Variants in SGCE observed in about 807,000 individuals in gnomAD.
SGCE encodes epsilon-sarcoglycan.
A neutral mutation model predicts 57.8 loss-of-function variants in SGCE; 26 were observed. The observed-to-expected ratio is 0.45, with a 90% CI of 0.33 to 0.62. SGCE has a LOEUF of 0.62. SGCE is among the 20% of genes least tolerant of loss of function. The pLI, the probability that SGCE is intolerant of heterozygous loss-of-function variation, is 0.02. For missense variants in SGCE, 468 were observed against 548.6 expected (o/e 0.85, Z 1.47); for synonymous variants, 183 against 189.5 (o/e 0.97, Z 0.28).
At chr7:94,588,288 A>G (rs1269002834) in intron 10 of SGCE, 2 of 1,060,344 alleles carry the variant, frequency 1.9e-6, no homozygotes, top group East Asian at 1.5e-4. Context: ...AGCCTCAGTG[A>G]TTAGTCACAA....
chr7:94,641,723 A>C (rs892095484), intron 1 of SGCE, among the ~76,000 whole-genome samples: 3 of 151,972 alleles, frequency 2.0e-5, no homozygotes, highest in Admixed American at 1.3e-4. Context: ...AAAAATCTGA[A>C]CTTAAGCTAA....
At chr7:94,586,086 AAC>A (rs1235837049) in intron 10 of SGCE, among the ~76,000 whole-genome samples, 102 of 149,550 alleles carry the variant, frequency 6.8e-4, no homozygotes, top group Middle Eastern at 3.4e-3. Flanking sequence ...AAAAAAAAAA[AAC>A]AACAACTTCA....
chr7:94,587,966 A>G (rs899136432), intron 10 of SGCE: 38 of 1,423,404 alleles, frequency 2.7e-5, no homozygotes, highest in Non-Finnish European at 3.4e-5. Flanking sequence ...CCCAACTTAC[A>G]TTTTTAAAAC....
At chr7:94,594,056 ACT>A (rs1332806859) in intron 9 of SGCE, among the ~76,000 whole-genome samples, 1 of 151,880 alleles carries the variant, frequency 6.6e-6, no homozygotes, top group Non-Finnish European at 1.5e-5. Context: ...ACAAGGCTAG[ACT>A]CTCTCTTGAC....
chr7:94,616,956 A>G (rs1802021501), intron 5 of SGCE: 1 of 152,208 alleles, frequency 6.6e-6, no homozygotes, highest in African/African-American at 2.4e-5. Context: ...ATCTGAGACA[A>G]GAGTCCAAAT....
intron 5 of SGCE, among the ~76,000 whole-genome samples, chr7:94,612,778 C>T (rs1031511752): frequency 6.6e-6 from 1 of 152,124 alleles, no homozygotes; most frequent in African/African-American, 2.4e-5. Flanking sequence ...TACCCCACCC[C>T]ACCTCCACCT....
intron 9 of SGCE, among the ~76,000 whole-genome samples, chr7:94,591,622 G>GC (rs11422778): frequency 0.34 from 51,467 of 151,978 alleles, 9,569 homozygotes; most frequent in Non-Finnish European, 0.41. Flanking sequence ...GTAGTTGGAT[G>GC]CCCCCCACTT....
intron 5 of SGCE, among the ~76,000 whole-genome samples, chr7:94,614,210 C>T (rs1291177166): frequency 6.6e-6 from 1 of 150,782 alleles, no homozygotes; most frequent in African/African-American, 2.4e-5. Flanking sequence ...TTTATTGGCA[C>T]TAAATTCTAA....
intron 5 of SGCE, among the ~76,000 whole-genome samples, chr7:94,609,534 A>C (rs1198674022): frequency 6.6e-6 from 1 of 152,194 alleles, no homozygotes; most frequent in Non-Finnish European, 1.5e-5. Flanking sequence ...TCTGTCTAAA[A>C]AACAACAACA....
intron 1 of SGCE, among the ~76,000 whole-genome samples, chr7:94,631,924 A>G (rs1584712501): frequency 6.6e-6 from 1 of 152,066 alleles, no homozygotes; most frequent in South Asian, 2.1e-4. Flanking sequence ...ACCTTGAAGT[A>G]CAGCACTAAG....
At chr7:94,614,725 A>C (rs904534576) in intron 5 of SGCE, among the ~76,000 whole-genome samples, 1 of 152,184 alleles carries the variant, frequency 6.6e-6, no homozygotes, top group Non-Finnish European at 1.5e-5. Context: ...CAATTGTGGT[A>C]CTTAAAACAC....
At chr7:94,597,587 AAG>A (rs1166001046) in intron 9 of SGCE, 2 of 152,176 alleles carry the variant, frequency 1.3e-5, no homozygotes, top group African/African-American at 4.8e-5. Context: ...GAGAGTGAGA[AAG>A]AGAGATTTTT....
At chr7:94,632,667 TTTAAA>T (rs1410533583) in intron 1 of SGCE, among the ~76,000 whole-genome samples, 2 of 152,122 alleles carry the variant, frequency 1.3e-5, no homozygotes, top group African/African-American at 4.8e-5. Context: ...GTAGCATCAG[TTTAAA>T]TTACAGGCAC....
At position 94,603,332 on chromosome 7, in the gene SGCE, T is replaced by C. The variant is rs763484333; in HGVS notation, c.783A>G (p.Lys261=). ...EMEPVITCDK[K]FRTQFYIDWC... ...AGTCAATGTAAAATTGAGTACGAAA[T>C]TTTTTATCACATGTTATTACAGGCT... Residue 261 remains lysine (K), a synonymous_variant, in exon 6 of 11, where the codon AAA becomes AAG. Coordinates refer to ENST00000648936, the MANE Select transcript of SGCE (RefSeq NM_003919.3). 1 of 1,612,674 alleles carries C rather than the reference T, an allele frequency of 6.2e-7. No individual in the cohort carries two copies. The highest frequency in any genetic ancestry group is 8.5e-7 in the Non-Finnish European group (1 of 1,179,112).
chr7:94,655,581 C>T (rs892057143), intron 1 of SGCE, among the ~76,000 whole-genome samples: 1 of 152,200 alleles, frequency 6.6e-6, no homozygotes, highest in Admixed American at 6.5e-5. Flanking sequence ...TCCTTTGGCT[C>T]GCATCGCGGT....
intron 1 of SGCE, among the ~76,000 whole-genome samples, chr7:94,655,143 C>T (rs1808420179): frequency 6.6e-6 from 1 of 152,218 alleles, no homozygotes; most frequent in South Asian, 2.1e-4. Context: ...TAAACGCATT[C>T]ATTCACCCTA....
intron 9 of SGCE, chr7:94,597,477 T>C (rs963769111): frequency 6.6e-6 from 1 of 152,176 alleles, no homozygotes. Flanking sequence ...GGGAAAAATG[T>C]ACCCAGCAGA....
intron 3 of SGCE, chr7:94,623,961 A>G: frequency 2.6e-6 from 1 of 379,622 alleles, no homozygotes; most frequent in Non-Finnish European, 4.7e-6. Context: ...AACATGCTCA[A>G]AAACACAAAT....
At chr7:94,619,264 T>A (rs926728402) in intron 4 of SGCE, 2 of 245,556 alleles carry the variant, frequency 8.1e-6, no homozygotes, top group African/African-American at 4.6e-5. Flanking sequence ...AAATTTATAA[T>A]ATTACTGATC....
Sources: gnomAD v4.1 joint callset for allele counts (sites outside exome capture counted in the v4.1 genomes callset) on GRCh38, gnomAD v4.1.1 for gene constraint, MANE v1.5 for transcripts, NCBI Gene and HGNC (gene_info 2026-07-23, HGNC 2026-07-21) for gene names.